ERI1: variants seen among roughly 807,000 people sequenced by gnomAD.
ERI1 encodes the protein 3'-5' exoribonuclease 1.
Under a neutral mutation model 39.7 loss-of-function variants are expected in ERI1, and 39 were observed. The observed-to-expected ratio is 0.98, with a 90% CI of 0.76 to 1.28. The LOEUF (loss-of-function observed/expected upper bound fraction) is 1.28, where lower values mean the gene tolerates loss of function less well. ERI1 is among the 50% of genes most tolerant of loss of function. The pLI, the probability that ERI1 is intolerant of heterozygous loss-of-function variation, is 0.00. For missense variants in ERI1, 581 were observed against 416.9 expected (o/e 1.39, Z -3.43); for synonymous variants, 204 against 149.6 (o/e 1.36, Z -2.65).
At chr8:9,004,858 T>C (rs1245100005) in intron 1 of ERI1, among the ~76,000 whole-genome samples, 2 of 152,004 alleles carry the variant, frequency 1.3e-5, no homozygotes, top group African/African-American at 2.4e-5. Flanking sequence ...TGGCTAGTTT[T>C]TGTATTTTTA....
downstream of ERI1, among the ~76,000 whole-genome samples, chr8:9,035,198 A>G (rs1333362125): frequency 6.6e-6 from 1 of 152,262 alleles, no homozygotes; most frequent in Non-Finnish European, 1.5e-5. Flanking sequence ...GATCTAGCTA[A>G]GTTATCTAGC....
At chr8:9,067,905 A>C (rs1012096146) in intron 3 of ERI1, among the ~76,000 whole-genome samples, 87 of 150,730 alleles carry the variant, frequency 5.8e-4, no homozygotes, top group African/African-American at 2.1e-3. Context: ...ATATGAGCAC[A>C]GAGAGTTATG....
intron 6 of ERI1, among the ~76,000 whole-genome samples, chr8:9,028,868 C>G (rs1480524659): frequency 6.6e-6 from 1 of 151,994 alleles, no homozygotes. Context: ...AGGTGATCCA[C>G]CTGCCTTGGC....
intron 3 of ERI1, chr8:9,062,634 G>A (rs1042756898): frequency 7.6e-6 from 1 of 132,306 alleles, no homozygotes; most frequent in African/African-American, 2.5e-5. Context: ...CCTCCACTGT[G>A]AGAGTTAATC....
intron 4 of ERI1, among the ~76,000 whole-genome samples, chr8:9,016,803 A>C (rs576482443): frequency 9.0e-4 from 137 of 152,200 alleles, no homozygotes; most frequent in African/African-American, 3.1e-3. Context: ...CTCCTGCCTC[A>C]ACCTCCTGAG....
rs527754676 is a variant in ERI1, at chr8:9,005,543, C to G, written c.108+2372C>G. On this transcript the variant is annotated intron_variant, in intron 1 of 6. Coordinates refer to ENST00000250263, the MANE Select transcript of ERI1 (RefSeq NM_153332.4). The stretch of plus-strand genomic sequence containing the variant: ...TTTTTTTTTTTTTTTGAGAGGGAGT[C>G]TCTCTCTGTTGCCCAGGCTGGAGTG... Among the ~76,000 whole-genome samples the G allele has an allele frequency of 1.0e-4, 14 of 139,244 alleles. No homozygotes were observed. In the East Asian group the frequency reaches 2.9e-3, roughly 29 times the overall value. 91.3% of individuals were successfully genotyped at this position (139,244 alleles called of 152,430 possible).
chr8:9,096,708 C>CTTTTTTTTTTTTT (rs557869870), intron 3 of ERI1: 3 of 96,546 alleles, frequency 3.1e-5, no homozygotes, highest in Non-Finnish European at 3.7e-5. Context: ...CTATTGCCAT[C>CTTTTTTTTTTTTT]TTTTTTTTTT....
At chr8:9,023,817 G>A (rs1391044755) in intron 6 of ERI1, among the ~76,000 whole-genome samples, 1 of 5,616 alleles carries the variant, frequency 1.8e-4, no homozygotes, top group Non-Finnish European at 4.5e-4. Context: ...TTTTTTTTTT[G>A]AGGCGGAGTC....
At chr8:9,020,495 T>G (rs779232214) in intron 6 of ERI1, 31 bp downstream of exon 6, 1 of 1,333,798 alleles carries the variant, frequency 7.5e-7, no homozygotes, top group Non-Finnish European at 1.0e-6. Context: ...AATTACGTGG[T>G]TCTTAATGAT....
chr8:9,055,881 GT>G (rs1350561478), intron 3 of ERI1, among the ~76,000 whole-genome samples: 4 of 152,122 alleles, frequency 2.6e-5, no homozygotes, highest in African/African-American at 7.2e-5. Flanking sequence ...AGGGAAAGGG[GT>G]TCTGGTTTCT....
chr8:9,063,908 G>A (rs1039238455), intron 3 of ERI1, among the ~76,000 whole-genome samples: 6 of 152,186 alleles, frequency 3.9e-5, no homozygotes, highest in African/African-American at 1.4e-4. Context: ...TAAGGGAGAA[G>A]AAGGGGGAAT....
chr8:9,032,174 T>C lies in ERI1; in HGVS notation c.*2140T>C, dbSNP rs1258422280. On this transcript the variant is annotated 3_prime_UTR_variant, in exon 7 of 7. Transcript: ENST00000250263. The stretch of plus-strand genomic sequence containing the variant: ...GTACTGCTTTTTACTCTGACTTTTA[T>C]TGTGTTGTCTTTGAAAGACAAATAG... The C allele has an allele frequency of 6.6e-6, 1 of 152,244 alleles. No individual in the cohort carries two copies. The highest frequency in any genetic ancestry group is 1.5e-5 in the Non-Finnish European group (1 of 68,038). 9.4% of individuals were successfully genotyped at this position (152,244 alleles called of 1,614,324 possible).
intron 3 of ERI1, among the ~76,000 whole-genome samples, chr8:9,046,555 A>C (rs1190935946): frequency 6.6e-6 from 1 of 152,058 alleles, no homozygotes; most frequent in Non-Finnish European, 1.5e-5. Flanking sequence ...AGTGACTACG[A>C]CTCTTACTCA....
chr8:9,020,909 C>T (rs542280977), intron 6 of ERI1, among the ~76,000 whole-genome samples: 6 of 152,194 alleles, frequency 3.9e-5, no homozygotes, highest in African/African-American at 1.4e-4. Flanking sequence ...ATGTAAAGCT[C>T]TGTTTTTGTT....
intron 3 of ERI1, among the ~76,000 whole-genome samples, chr8:9,071,564 A>G (rs1799051487): frequency 6.6e-6 from 1 of 152,222 alleles, no homozygotes; most frequent in African/African-American, 2.4e-5. Context: ...CAGTTTATTC[A>G]TCTGAGGAAT....
chr8:9,058,161 A>G (rs1798572349), intron 3 of ERI1, among the ~76,000 whole-genome samples: 1 of 152,194 alleles, frequency 6.6e-6, no homozygotes, highest in South Asian at 2.1e-4. Flanking sequence ...GGCGGAGCAG[A>G]CAGACTGCTG....
rs1029524749 is a variant in ERI1 at position 9,032,208 on chromosome 8, T to A, written c.*2174T>A. On this transcript the variant is annotated 3_prime_UTR_variant, in exon 7 of 7. Transcript: ENST00000250263. Reference sequence around the variant, plus strand: ...CTTTGAAAGACAAATAGTACAACTTTTTACAAGGAAACACGTAAGAGATGG... The same window carrying A: ...CTTTGAAAGACAAATAGTACAACTTATTACAAGGAAACACGTAAGAGATGG... The A allele has an allele frequency of 3.9e-5, 6 of 152,208 alleles. No homozygotes were observed. Among genetic ancestry groups the A allele is most frequent in the African/African-American group, 1.4e-4 (6 of 41,452 alleles). 9.4% of individuals were successfully genotyped at this position (152,208 alleles called of 1,614,324 possible).
intron 3 of ERI1, among the ~76,000 whole-genome samples, chr8:9,078,632 T>C (rs1799277829): frequency 6.6e-6 from 1 of 152,192 alleles, no homozygotes; most frequent in Non-Finnish European, 1.5e-5. Context: ...GACTGCAGCC[T>C]TGTGGAAGCC....
At chr8:9,089,918 G>T (rs1281595237) in intron 3 of ERI1, among the ~76,000 whole-genome samples, 1 of 151,936 alleles carries the variant, frequency 6.6e-6, no homozygotes, top group African/African-American at 2.4e-5. Flanking sequence ...CAATGAGACA[G>T]ATTCCCTGAA....
Sources: gnomAD v4.1 joint callset for allele counts (sites outside exome capture counted in the v4.1 genomes callset) on GRCh38, gnomAD v4.1.1 for gene constraint, MANE v1.5 for transcripts, NCBI Gene and HGNC (gene_info 2026-07-23, HGNC 2026-07-21) for gene names.